The following TUBGCP6 variants were observed in gnomAD, a reference collection of about 807,000 sequenced individuals.
The protein encoded by TUBGCP6 is tubulin gamma complex component 6, also known as gamma-tubulin complex component 6.
Under a neutral mutation model 175.8 loss-of-function variants are expected in TUBGCP6, and 161 were observed. That is an observed-to-expected ratio of 0.92 (90% confidence interval 0.81 to 1.04). The LOEUF (loss-of-function observed/expected upper bound fraction) is 1.04. TUBGCP6 is among the 50% of genes least tolerant of loss of function. The pLI, the probability that TUBGCP6 is intolerant of heterozygous loss-of-function variation, is 0.00. For missense variants in TUBGCP6, 2,572 were observed against 2,433.0 expected (o/e 1.06, Z -1.20); for synonymous variants, 1,173 against 1,030.5 (o/e 1.14, Z -2.65).
In TUBGCP6 at chr22:50,218,348, T is replaced by A. The variant is rs546390532; in HGVS notation, c.5009A>T (p.Lys1670Met). The A allele has an allele frequency of 4.3e-6, 7 of 1,612,964 alleles. No homozygotes were observed. The African/African-American group carries it at 9.3e-5, about 22-fold the overall frequency. The change falls in exon 23 of 25, where the codon AAG becomes ATG. Residue 1670 changes from lysine (K) to methionine (M), a missense_variant. Coordinates refer to ENST00000248846, the MANE Select transcript of TUBGCP6 (RefSeq NM_020461.4). The stretch of plus-strand genomic sequence containing the variant: ...CTTCACGAAATGCTGCATCTCGTGC[T>A]TGAACAGCTGCAGCTGACGGAACTG... ...SVQFRQLQLFKHEMQHFVKVI... is the reference protein window; with the variant it reads ...SVQFRQLQLFMHEMQHFVKVI...
Position 50,221,868 on chromosome 22 carries a change from A to G in TUBGCP6, c.2491T>C (p.Ser831Pro). 2.6e-6 allele frequency: 4 copies of G among 1,513,836 alleles called. No homozygotes were observed. The highest frequency in any genetic ancestry group is 3.5e-6 in the Non-Finnish European group (4 of 1,131,374). 93.8% of individuals were successfully genotyped at this position (1,513,836 alleles called of 1,614,324 possible). Residue 831 changes from serine to proline, a missense_variant, in exon 16 of 25, where the codon TCT becomes CCT. Physicochemically the swap from Ser to Pro is moderately conservative, Grantham distance 74. Transcript: ENST00000248846. ...CCCTCTGGGTGCTCAGGGCCCGGAG[A>G]CGTGACCTGAAACACAGGTGACATC... is the stretch of plus-strand genomic sequence containing the variant. ...VLLSVHPQVTSPGPEHPEGGQ... is the reference protein window; with the variant it reads ...VLLSVHPQVTPPGPEHPEGGQ...
intron 7 of TUBGCP6, 80 bp downstream of exon 7, chr22:50,226,653 G>A (rs1397012106): frequency 2.4e-6 from 3 of 1,232,610 alleles, no homozygotes; most frequent in Non-Finnish European, 3.4e-6. Context: ...ACATTCAGCA[G>A]GTGTCTGACA....
Position 50,226,159 on chromosome 22 carries a change from A to G in TUBGCP6, c.1724T>C (p.Leu575Pro), listed in dbSNP as rs1325977679. The change falls in exon 9 of 25, where the codon CTC becomes CCC. Residue 575 changes from leucine (L) to proline (P), a missense_variant. Physicochemically the swap from Leu to Pro is moderately conservative, Grantham distance 98. Transcript: ENST00000248846. The part of the protein sequence containing the change: ...DKLYWTHGYV[L>P]ISKEVEDCVP... ...ACAGTCCTCCACCTCTTTGGAGATG[A>G]GCACGTAGCCATGTGTCCAGTACAA... is the stretch of plus-strand genomic sequence containing the variant. 6.2e-7 allele frequency: 1 copy of G among 1,614,028 alleles called. No homozygotes were observed. The highest frequency in any genetic ancestry group is 8.5e-7 in the Non-Finnish European group (1 of 1,180,042).
chr22:50,222,535 C>T lies in TUBGCP6; in HGVS notation c.2328G>A (p.Gln776=). 1.2e-6 allele frequency: 2 copies of T among 1,613,680 alleles called. No individual in the cohort carries two copies. The highest frequency in any genetic ancestry group is 1.7e-6 in the Non-Finnish European group (2 of 1,180,032). The change falls in exon 14 of 25, where the codon CAG becomes CAA. Residue 776 remains glutamine, a synonymous_variant. Transcript: ENST00000248846. ...KLSAEAARRE[Q]KALWRIQRHR... is the part of the protein sequence containing the mutation. ...GCCTCTGGATTCTCCACAGTGCCTT[C>T]TGCTCCCGACGAGCTGCCTCTGCAG...
chr22:50,244,474 C>A lies in TUBGCP6; in HGVS notation c.-15G>T. The A allele has an allele frequency of 1.3e-6, 2 of 1,595,950 alleles. No individual in the cohort carries two copies. Among genetic ancestry groups the A allele is most frequent in the Non-Finnish European group, 1.7e-6 (2 of 1,171,386 alleles). On this transcript the variant is annotated 5_prime_UTR_variant, in exon 1 of 25. Coordinates refer to ENST00000248846, the MANE Select transcript of TUBGCP6 (RefSeq NM_020461.4). ...ATGCTGGCCATGCCCCTTCTCAGCT[C>A]CGGGCCCCCGGCGTGTGGGAAAACA...
intron 2 of TUBGCP6, among the ~76,000 whole-genome samples, chr22:50,236,502 A>G (rs2064780054): frequency 6.6e-6 from 1 of 152,098 alleles, no homozygotes; most frequent in Non-Finnish European, 1.5e-5. Context: ...GGCACATGCA[A>G]CTCTGAGGAA....
chr22:50,219,496 G>A (rs772694700), intron 18 of TUBGCP6, 40 bp from the exon 19 acceptor site: 11 of 1,595,752 alleles, frequency 6.9e-6, no homozygotes, highest in African/African-American at 6.7e-5. Flanking sequence ...GAACCGGCCA[G>A]CCCAGGGCTC....
chr22:50,221,856 C>G lies in TUBGCP6; in HGVS notation c.2503G>C (p.Glu835Gln). 1 of 1,512,170 alleles carries G rather than the reference C, an allele frequency of 6.6e-7. No individual in the cohort carries two copies. Among genetic ancestry groups the G allele is most frequent in the Non-Finnish European group, 8.8e-7 (1 of 1,130,768 alleles). 93.7% of individuals were successfully genotyped at this position (1,512,170 alleles called of 1,614,324 possible). The change falls in exon 16 of 25, where the codon GAG becomes CAG. Residue 835 changes from glutamate (E) to glutamine (Q), a missense_variant. Glu to Gln is a conservative substitution (Grantham distance 29). Coordinates refer to ENST00000248846, the MANE Select transcript of TUBGCP6 (RefSeq NM_020461.4). Reference protein sequence around the residue: ...VHPQVTSPGPEHPEGGQGCDS... With the variant: ...VHPQVTSPGPQHPEGGQGCDS... The stretch of plus-strand genomic sequence containing the variant: ...CAGCCTTGGCCTCCCTCTGGGTGCT[C>G]AGGGCCCGGAGACGTGACCTGAAAC...
Position 50,220,095 on chromosome 22 carries a change from A to C in TUBGCP6, c.4109-80T>G. The C allele has an allele frequency of 2.6e-6, 4 of 1,560,798 alleles. No individual in the cohort carries two copies. The South Asian group carries it at 4.6e-5, about 18-fold the overall frequency. On this transcript the variant is annotated intron_variant, in intron 16 of 24. Transcript: ENST00000248846. Reference sequence around the variant, plus strand: ...ACAGAGCCGAGCCGGCCCTGGCTCAAGCAGCCCCTCCCATGTCCCCCACAG... The same window carrying C: ...ACAGAGCCGAGCCGGCCCTGGCTCACGCAGCCCCTCCCATGTCCCCCACAG...
rs932813488 is a variant in TUBGCP6 at position 50,222,318 on chromosome 22, G to C, written c.2409+136C>G. On this transcript the variant is annotated intron_variant, in intron 14 of 24. Transcript: ENST00000248846. ...TGTGCAATTTGGTGGCACACGGGGA[G>C]AGAGAGTGCTCTGCCGCAAACGCGA... 3 of 1,369,678 alleles carry C rather than the reference G, an allele frequency of 2.2e-6. No homozygotes were observed. In the African/African-American group the frequency reaches 4.3e-5, roughly 20 times the overall value. 84.8% of individuals were successfully genotyped at this position (1,369,678 alleles called of 1,614,324 possible).
chr22:50,221,886 GT>G lies in TUBGCP6; in HGVS notation c.2485-13del, dbSNP rs776150980. ...CCCGGAGACGTGACCTGAAACACAG[GT>G]GACATCAGACCCAGTCTGGTCTCAG... On this transcript the variant is annotated splice_polypyrimidine_tract_variant and intron_variant, in intron 15 of 24. Transcript: ENST00000248846. 16 of 1,520,498 alleles carry G rather than the reference GT, an allele frequency of 1.1e-5. No individual in the cohort carries two copies. The South Asian group carries it at 1.8e-4, about 17-fold the overall frequency. 94.2% of individuals were successfully genotyped at this position (1,520,498 alleles called of 1,614,324 possible).
In TUBGCP6 at chr22:50,218,097, G is replaced by T; in HGVS notation, c.5189C>A (p.Ala1730Glu). The change falls in exon 24 of 25, where the codon GCG (alanine) becomes GAG (glutamate). Residue 1730 changes from alanine to glutamate, a missense_variant. Transcript: ENST00000248846. ...GTGGATGACGTTCATGACGGGCGCC[G>T]CCTTCTCCGTGAGCAGGCCCCTGGG... is the stretch of plus-strand genomic sequence containing the variant. ...AVFRGLLTEKAAPVMNVIHSI... is the reference protein window; with the variant it reads ...AVFRGLLTEKEAPVMNVIHSI... 6.2e-7 allele frequency: 1 copy of T among 1,612,678 alleles called. No homozygotes were observed.
At chr22:50,236,573 C>CA (rs2064780664) in intron 2 of TUBGCP6, among the ~76,000 whole-genome samples, 1 of 152,294 alleles carries the variant, frequency 6.6e-6, no homozygotes, top group South Asian at 2.1e-4. Flanking sequence ...CACACACTCA[C>CA]ACCCCCGTCC....
rs199978914 is a variant in TUBGCP6 at position 50,221,445 on chromosome 22, C to G, written c.2914G>C (p.Ala972Pro). 9.0e-5 allele frequency: 143 copies of G among 1,596,392 alleles called. No individual in the cohort carries two copies. The East Asian group carries it at 2.9e-3, about 33-fold the overall frequency. ...GAGCTGCCCAAGCTGCACTCTGCAGCCTGCAGGGGCCCTGGTGCAGGTGAG... is the reference window on the plus strand; with the variant it reads ...GAGCTGCCCAAGCTGCACTCTGCAGGCTGCAGGGGCCCTGGTGCAGGTGAG... ...ATSPAPGPLQAAECSLGSSGL... is the reference protein window; with the variant it reads ...ATSPAPGPLQPAECSLGSSGL... The change falls in exon 16 of 25, where the codon GCT (alanine) becomes CCT (proline). Residue 972 changes from alanine (A) to proline (P), a missense_variant. Coordinates refer to ENST00000248846, the MANE Select transcript of TUBGCP6 (RefSeq NM_020461.4).
intron 3 of TUBGCP6, among the ~76,000 whole-genome samples, chr22:50,232,274 G>C (rs1312228270): frequency 6.6e-6 from 1 of 151,668 alleles, no homozygotes; most frequent in East Asian, 1.9e-4. Context: ...GCTGAGGCAG[G>C]AGAATTGCTT....
chr22:50,220,412 T>C lies in TUBGCP6; in HGVS notation c.3947A>G (p.Asp1316Gly). 1 of 1,603,784 alleles carries C rather than the reference T, an allele frequency of 6.2e-7. No individual in the cohort carries two copies. The highest frequency in any genetic ancestry group is 2.2e-5 in the East Asian group (1 of 44,754). Residue 1316 changes from aspartate to glycine, a missense_variant, in exon 16 of 25, where the codon GAC becomes GGC. Asp to Gly is a moderately conservative substitution (Grantham distance 94, BLOSUM62 -1). Transcript: ENST00000248846. ...LSLGAQSTVLDCGPRLPVEVG... is the reference protein window; with the variant it reads ...LSLGAQSTVLGCGPRLPVEVG... ...TTCTACAGGCAGCCGTGGCCCACAG[T>C]CCAGCACAGTGCTCTGTGCTCCCAG...
rs772704190 is a variant in TUBGCP6, at chr22:50,219,715, T to C, written c.4244A>G (p.Glu1415Gly). The C allele has an allele frequency of 6.2e-7, 1 of 1,613,642 alleles. No homozygotes were observed. Among genetic ancestry groups the C allele is most frequent in the Non-Finnish European group, 8.5e-7 (1 of 1,179,960 alleles). Reference protein sequence around the residue: ...EASAAEAQGGEQAYLAGLAGQ... With the variant: ...EASAAEAQGGGQAYLAGLAGQ... ...TGCCAGGCCTGCCAGGTAGGCCTGC[T>C]CCCCACCCTGAGCCTCCGCCGCCGA... The change falls in exon 18 of 25, where the codon GAG (glutamate) becomes GGG (glycine). Residue 1415 changes from glutamate to glycine, a missense_variant. Transcript: ENST00000248846.
At chr22:50,237,111 G>A (rs2064786768) in intron 2 of TUBGCP6, among the ~76,000 whole-genome samples, 1 of 152,224 alleles carries the variant, frequency 6.6e-6, no homozygotes, top group Non-Finnish European at 1.5e-5. Context: ...GACCATTCCA[G>A]GGTCTGAAAG....
At chr22:50,240,782 G>A (rs2064829514) in intron 1 of TUBGCP6, among the ~76,000 whole-genome samples, 1 of 152,216 alleles carries the variant, frequency 6.6e-6, no homozygotes, top group South Asian at 2.1e-4. Flanking sequence ...CTGAGGTCAG[G>A]AGTTTGAGAC....
Sources: gnomAD v4.1 joint callset for allele counts (sites outside exome capture counted in the v4.1 genomes callset) on GRCh38, gnomAD v4.1.1 for gene constraint, MANE v1.5 for transcripts, NCBI Gene and HGNC (gene_info 2026-07-23, HGNC 2026-07-21) for gene names.